Variants in KRABD4 observed in about 807,000 individuals in gnomAD.
KRABD4 encodes the protein KRAB domain-containing protein 4.
the KRABD4 span, chrX:46,472,888 A>G: frequency 8.3e-7 from 1 of 1,211,901 alleles, no homozygotes; most frequent in Non-Finnish European, 1.1e-6. Flanking sequence ...AAAAGCATTT[A>G]TCTGAGCACA....
At chrX:46,459,648 CTG>C in the KRABD4 span, among the ~76,000 whole-genome samples, 209 of 111,820 alleles carry the variant, frequency 1.9e-3, no homozygotes, top group African/African-American at 6.5e-3. Flanking sequence ...ACCTCTGACA[CTG>C]TACTTCTAGG....
chrX:46,468,357 A>C, the KRABD4 span, among the ~76,000 whole-genome samples: 1 of 110,206 alleles, frequency 9.1e-6, no homozygotes, highest in African/African-American at 3.3e-5. Flanking sequence ...CAACATAGTG[A>C]GACCCCGTCT....
the KRABD4 span, among the ~76,000 whole-genome samples, chrX:46,450,111 A>G: frequency 8.9e-6 from 1 of 112,125 alleles, no homozygotes; most frequent in East Asian, 2.8e-4. Flanking sequence ...ACATTCTTTC[A>G]GCTTTTCCAC....
chrX:46,462,556 C>A, the KRABD4 span: 1 of 644,025 alleles, frequency 1.6e-6, no homozygotes, highest in Non-Finnish European at 2.3e-6. Flanking sequence ...GGGAACCAGA[C>A]CGTGTGGATT....
chrX:46,452,008 C>T, the KRABD4 span, among the ~76,000 whole-genome samples: 1 of 112,152 alleles, frequency 8.9e-6, no homozygotes, highest in Non-Finnish European at 1.9e-5. Flanking sequence ...TGCCGTGGCA[C>T]AATTTCAGCT....
At chrX:46,457,291 GATTGTCAGATTAAACTGTATTAA>G in the KRABD4 span, 1 of 162,045 alleles carries the variant, frequency 6.2e-6, no homozygotes, top group South Asian at 2.7e-4. Flanking sequence ...TAACGAGAAA[GATTGTCAGATTAAACTGTATTAA>G]AATGTTAAAA....
chrX:46,451,393 T>A, the KRABD4 span, among the ~76,000 whole-genome samples: 2 of 112,450 alleles, frequency 1.8e-5, no homozygotes, highest in African/African-American at 6.5e-5. Context: ...CTGATTACTT[T>A]CTGGGTGGTG....
chrX:46,469,894 T>G, the KRABD4 span, among the ~76,000 whole-genome samples: 1 of 111,708 alleles, frequency 9.0e-6, no homozygotes, highest in Non-Finnish European at 1.9e-5. Context: ...TTCTGAAAGT[T>G]TTTTTTATTA....
the KRABD4 span, chrX:46,472,441 G>A: frequency 1.2e-5 from 3 of 246,476 alleles, no homozygotes; most frequent in Non-Finnish European, 2.2e-5. Context: ...CAACTGCAAA[G>A]CCACACAGCT....
At chrX:46,469,470 A>G in the KRABD4 span, among the ~76,000 whole-genome samples, 1 of 111,844 alleles carries the variant, frequency 8.9e-6, no homozygotes, top group Non-Finnish European at 1.9e-5. Context: ...GTATGTACCT[A>G]GTTGTTTTGT....
At chrX:46,448,427 G>A in the KRABD4 span, 1 of 112,845 alleles carries the variant, frequency 8.9e-6, no homozygotes. Flanking sequence ...GGTACGCTGA[G>A]CTGAGGCGAG....
chrX:46,454,657 C>G, the KRABD4 span, among the ~76,000 whole-genome samples: 2 of 110,533 alleles, frequency 1.8e-5, no homozygotes, highest in Non-Finnish European at 3.8e-5. Context: ...CAAAAATTAG[C>G]TGGGCGTGGT....
At chrX:46,470,902 G>T in the KRABD4 span, among the ~76,000 whole-genome samples, 1 of 110,678 alleles carries the variant, frequency 9.0e-6, no homozygotes, top group African/African-American at 3.3e-5. Context: ...GTACAAGTTT[G>T]TTTTAAGACC....
the KRABD4 span, among the ~76,000 whole-genome samples, chrX:46,463,740 T>C: frequency 2.9e-5 from 3 of 102,619 alleles, no homozygotes; most frequent in Admixed American, 3.0e-4. Context: ...AATTTGGCCT[T>C]TTTTTTTTAG....
chrX:46,452,585 A>G, the KRABD4 span, among the ~76,000 whole-genome samples: 3 of 112,310 alleles, frequency 2.7e-5, no homozygotes, highest in Non-Finnish European at 5.6e-5. Context: ...TTTGATGGCA[A>G]TACCACTATT....
the KRABD4 span, among the ~76,000 whole-genome samples, chrX:46,462,069 C>A: frequency 8.9e-6 from 1 of 112,197 alleles, no homozygotes; most frequent in African/African-American, 3.2e-5. Context: ...GTTCAGTAAA[C>A]ATGTGTTGAA....
the KRABD4 span, among the ~76,000 whole-genome samples, chrX:46,468,364 G>A: frequency 2.7e-5 from 3 of 109,617 alleles, no homozygotes; most frequent in East Asian, 5.7e-4. Flanking sequence ...GTGAGACCCC[G>A]TCTATACTAA....
chrX:46,457,080 G>A, the KRABD4 span: 12 of 375,651 alleles, frequency 3.2e-5, no homozygotes, highest in African/African-American at 1.1e-4. Flanking sequence ...CCTCCGTGGC[G>A]CATTTTTCTG....
chrX:46,463,323 G>A, the KRABD4 span: 4 of 1,198,312 alleles, frequency 3.3e-6, no homozygotes, highest in Admixed American at 4.3e-5. Context: ...GTCAGGCCGG[G>A]GAAAGGAGAC....
Sources: allele counts gnomAD v4.1 joint callset (sites outside exome capture counted in the v4.1 genomes callset), GRCh38; gene constraint gnomAD v4.1.1; transcripts MANE v1.5; gene names NCBI Gene and HGNC (gene_info 2026-07-23, HGNC 2026-07-21).